Variants in ASTN2 observed in about 807,000 individuals in gnomAD.
The protein encoded by ASTN2 is astrotactin 2.
A neutral mutation model predicts 139.8 loss-of-function variants in ASTN2; 54 were observed. That is an observed-to-expected ratio of 0.39 (90% CI 0.31 to 0.48). The LOEUF (loss-of-function observed/expected upper bound fraction) is 0.48. Ranked by LOEUF, ASTN2 falls within the 20% of genes least tolerant of loss-of-function variation. The pLI is 0.95. For synonymous variants in ASTN2, 756 were observed against 719.5 expected, an observed-to-expected ratio of 1.05 and a Z score of -0.81; for missense variants, 1,565 against 1,725.1, an observed-to-expected ratio of 0.91 and a Z score of 1.64.
At chr9:117,104,274 A>G (rs1829050676) in intron 4 of ASTN2, among the ~76,000 whole-genome samples, 1 of 152,220 alleles carries the variant, frequency 6.6e-6, no homozygotes, top group African/African-American at 2.4e-5. Context: ...TTTACAGAAG[A>G]CTGATGAAAA....
intron 10 of ASTN2, among the ~76,000 whole-genome samples, chr9:116,939,078 C>T (rs1352652125): frequency 1.3e-5 from 2 of 152,202 alleles, no homozygotes; most frequent in Non-Finnish European, 1.5e-5. Flanking sequence ...GTAATCAGCT[C>T]AGGCTTTGCT....
chr9:116,697,999 T>C lies in ASTN2; in HGVS notation c.2806+27772A>G, dbSNP rs200326473. The C allele has an allele frequency of 4.2e-5, 68 of 1,614,162 alleles. No individual in the cohort carries two copies. In the Admixed American group the frequency reaches 5.5e-4, roughly 13 times the overall value. ...GACAATCTGACAGTGCTAAAGATCA[T>C]TGATACAGCTGGGCTCAGCGAGGCT... On this transcript the variant is annotated intron_variant, in intron 16 of 22. Coordinates refer to ENST00000313400, the MANE Select transcript of ASTN2 (RefSeq NM_001365068.1).
intron 2 of ASTN2, among the ~76,000 whole-genome samples, chr9:117,278,712 C>A (rs1008203227): frequency 1.1e-4 from 16 of 152,156 alleles, no homozygotes; most frequent in Admixed American, 1.0e-3. Context: ...CTATTAAAGA[C>A]GCCCTTGAGC....
intron 20 of ASTN2, among the ~76,000 whole-genome samples, chr9:116,443,029 T>TA (rs1356935169): frequency 2.0e-5 from 3 of 152,062 alleles, no homozygotes; most frequent in Non-Finnish European, 2.9e-5. Context: ...AGGTCACAGA[T>TA]AAAAAAAGTA....
chr9:116,596,951 G>A (rs1163826532), intron 19 of ASTN2, among the ~76,000 whole-genome samples: 1 of 152,170 alleles, frequency 6.6e-6, no homozygotes, highest in Admixed American at 6.5e-5. Flanking sequence ...CAATGAGAAA[G>A]TAGGCTAGTG....
chr9:117,348,936 T>A (rs970232412), intron 1 of ASTN2, among the ~76,000 whole-genome samples: 3 of 148,092 alleles, frequency 2.0e-5, no homozygotes, highest in African/African-American at 5.0e-5. Context: ...CTCCCCTCCC[T>A]CTGCCCCATT....
At chr9:116,594,023 A>G (rs868851403) in intron 19 of ASTN2, among the ~76,000 whole-genome samples, 1 of 152,146 alleles carries the variant, frequency 6.6e-6, no homozygotes, top group African/African-American at 2.4e-5. Context: ...ATATCTTTGC[A>G]CTTCCTGCCC....
intron 3 of ASTN2, among the ~76,000 whole-genome samples, chr9:117,142,580 A>G (rs1318226280): frequency 1.3e-5 from 2 of 152,202 alleles, no homozygotes; most frequent in Non-Finnish European, 2.9e-5. Flanking sequence ...ATACCTTCCA[A>G]TGAATTGTTA....
intron 6 of ASTN2, among the ~76,000 whole-genome samples, chr9:117,010,817 G>A (rs1588478369): frequency 6.6e-6 from 1 of 152,160 alleles, no homozygotes; most frequent in African/African-American, 2.4e-5. Context: ...GAGATCTGGG[G>A]CTGGGATGGT....
At chr9:116,822,969 C>T (rs535814583) in intron 11 of ASTN2, among the ~76,000 whole-genome samples, 5 of 152,176 alleles carry the variant, frequency 3.3e-5, no homozygotes, top group Admixed American at 6.5e-5. Flanking sequence ...GAGGAGAAGG[C>T]GATGTGGGGG....
At chr9:116,599,099 G>C (rs1402599288) in intron 19 of ASTN2, among the ~76,000 whole-genome samples, 1 of 152,174 alleles carries the variant, frequency 6.6e-6, no homozygotes, top group East Asian at 1.9e-4. Context: ...TTGGATGTCA[G>C]AAAATCTAAA....
At chr9:116,625,367 G>C (rs1307239501) in intron 17 of ASTN2, among the ~76,000 whole-genome samples, 3 of 152,154 alleles carry the variant, frequency 2.0e-5, no homozygotes, top group Non-Finnish European at 2.9e-5. Flanking sequence ...CCGGGAGGTG[G>C]AGGTTGCAGT....
intron 2 of ASTN2, among the ~76,000 whole-genome samples, chr9:117,274,771 T>C (rs755675873): frequency 7.9e-5 from 12 of 152,228 alleles, no homozygotes; most frequent in Middle Eastern, 3.2e-3. Flanking sequence ...ATACAAGTAG[T>C]AGGCCAAGAA....
intron 3 of ASTN2, among the ~76,000 whole-genome samples, chr9:117,171,306 G>T (rs988022661): frequency 6.6e-5 from 10 of 152,112 alleles, no homozygotes; most frequent in Non-Finnish European, 1.3e-4. Flanking sequence ...AAGAGTAAAG[G>T]CTCCAGAGAA....
chr9:117,167,580 G>T (rs532149827), intron 3 of ASTN2, among the ~76,000 whole-genome samples: 1 of 152,028 alleles, frequency 6.6e-6, no homozygotes, highest in Non-Finnish European at 1.5e-5. Context: ...TGGAAATATT[G>T]GCTGAAAACA....
chr9:116,793,306 G>A (rs1830604672), intron 13 of ASTN2, among the ~76,000 whole-genome samples: 1 of 152,106 alleles, frequency 6.6e-6, no homozygotes, highest in Non-Finnish European at 1.5e-5. Context: ...ATAAAGGAGT[G>A]GTTAATAATT....
chr9:117,269,471 A>G lies in ASTN2; in HGVS notation c.630+21855T>C, dbSNP rs149117979. On this transcript the variant is annotated intron_variant, in intron 2 of 22. Transcript: ENST00000313400. ...CCCCACAAAATTGGGGAGGTTTTTT[A>G]TAGAAATGGCTAGGATCCAGAACTG... 1.3e-4 allele frequency among the ~76,000 whole-genome samples: 20 copies of G among 152,294 alleles called. No individual in the cohort carries two copies. The East Asian group carries it at 3.5e-3, about 26-fold the overall frequency.
intron 10 of ASTN2, among the ~76,000 whole-genome samples, chr9:116,898,269 C>T (rs1833925624): frequency 6.6e-6 from 1 of 151,914 alleles, no homozygotes; most frequent in Non-Finnish European, 1.5e-5. Flanking sequence ...TAGCGCCAAG[C>T]ATGGTGGTGT....
chr9:116,601,597 A>G (rs1024704129), intron 19 of ASTN2, among the ~76,000 whole-genome samples: 51 of 152,222 alleles, frequency 3.4e-4, no homozygotes, highest in African/African-American at 1.2e-3. Context: ...TCAAAGCAAA[A>G]TAGCTTGGTT....
Sources: allele counts gnomAD v4.1 joint callset (sites outside exome capture counted in the v4.1 genomes callset), GRCh38; gene constraint gnomAD v4.1.1; transcripts MANE v1.5; gene names NCBI Gene and HGNC (gene_info 2026-07-23, HGNC 2026-07-21).